The following CEP295 variants were observed in gnomAD, a reference collection of about 807,000 sequenced individuals.
CEP295 encodes the protein centrosomal protein of 295 kDa.
In CEP295, 190 loss-of-function variants were observed where a neutral mutation model predicts 291.6. That is an observed-to-expected ratio of 0.65 (90% CI 0.58 to 0.73). The LOEUF (loss-of-function observed/expected upper bound fraction) is 0.73. Among genes scored for constraint, CEP295 ranks in the 30% least tolerant of loss-of-function variants. The pLI, the probability that CEP295 is intolerant of heterozygous loss-of-function variation, is 0.00. For synonymous variants in CEP295, 993 were observed against 1,038.8 expected (o/e 0.96, Z 0.85); for missense variants, 2,863 against 2,949.4 (o/e 0.97, Z 0.68).
intron 18 of CEP295, among the ~76,000 whole-genome samples, chr11:93,713,172 C>T (rs1020551528): frequency 1.3e-5 from 2 of 152,040 alleles, no homozygotes; most frequent in Non-Finnish European, 1.5e-5. Flanking sequence ...CTTGAAAAGT[C>T]GTACATATTA....
chr11:93,686,590 A>G (rs1951254853), intron 9 of CEP295, among the ~76,000 whole-genome samples: 1 of 152,196 alleles, frequency 6.6e-6, no homozygotes, highest in Non-Finnish European at 1.5e-5. Flanking sequence ...TGGGTTGTGG[A>G]CTAATGGTAA....
intron 7 of CEP295, among the ~76,000 whole-genome samples, chr11:93,681,183 G>A (rs1032196307): frequency 2.6e-5 from 4 of 151,730 alleles, no homozygotes; most frequent in African/African-American, 9.7e-5. Context: ...TCACCACTCA[G>A]CTGTTTGATC....
In CEP295 at chr11:93,698,839, C is replaced by T. The variant is rs577017047; in HGVS notation, c.3927C>T (p.Gly1309=). ...SFTSLASAES[G]TILEPLFTES... Reference sequence around the variant, plus strand: ...CTTCGTTAGCTTCAGCTGAGTCTGGCACAATCCTGGAACCTCTTTTTACAG... The same window carrying T: ...CTTCGTTAGCTTCAGCTGAGTCTGGTACAATCCTGGAACCTCTTTTTACAG... The change falls in exon 15 of 30, where the codon GGC becomes GGT. Residue 1309 remains glycine (G), a synonymous_variant. Coordinates refer to ENST00000325212, the MANE Select transcript of CEP295 (RefSeq NM_033395.2). 1.9e-6 allele frequency: 3 copies of T among 1,551,740 alleles called. No individual in the cohort carries two copies. Among genetic ancestry groups the T allele is most frequent in the East Asian group, 4.9e-5 (2 of 40,914 alleles).
intron 18 of CEP295, among the ~76,000 whole-genome samples, chr11:93,720,537 A>C (rs891213914): frequency 6.6e-6 from 1 of 152,106 alleles, no homozygotes; most frequent in East Asian, 1.9e-4. Context: ...ACTAAAAGGT[A>C]CAGTACAAGT....
At chr11:93,728,861 C>A in intron 25 of CEP295, 40 bp downstream of exon 25, 1 of 1,496,468 alleles carries the variant, frequency 6.7e-7, no homozygotes, top group Non-Finnish European at 8.9e-7. Context: ...CTATTACAAG[C>A]AAACCAGTTG....
intron 1 of CEP295, among the ~76,000 whole-genome samples, 176 bp downstream of exon 1, chr11:93,661,950 G>C (rs1327563146): frequency 6.6e-6 from 1 of 152,224 alleles, no homozygotes; most frequent in Admixed American, 6.5e-5. Context: ...CCGCGGTCGG[G>C]CTGGCGGCTG....
chr11:93,692,907 A>G (rs1486070728), intron 12 of CEP295, among the ~76,000 whole-genome samples: 2 of 28,470 alleles, frequency 7.0e-5, no homozygotes, highest in African/African-American at 1.0e-4. Flanking sequence ...CAGGAGGCGG[A>G]GGCTGCAATG....
rs1952545493 is a variant in CEP295 at position 93,706,886 on chromosome 11, A to G, written c.5738A>G (p.Tyr1913Cys). The G allele has an allele frequency of 3.3e-6, 5 of 1,534,822 alleles. No individual in the cohort carries two copies. The highest frequency in any genetic ancestry group is 1.4e-5 in the African/African-American group (1 of 72,742). Residue 1913 changes from tyrosine to cysteine, a missense_variant, in exon 18 of 30, where the codon TAT becomes TGT. Physicochemically the swap from Tyr to Cys is radical, Grantham distance 194. Coordinates refer to ENST00000325212, the MANE Select transcript of CEP295 (RefSeq NM_033395.2). ...CAAGAGAATGTCTGTGGTGATGACT[A>G]TGATGAAGCAGGTGAGAAATAAATG... ...VGQENVCGDD[Y>C]DEAVKLKESV...
At chr11:93,717,803 T>C (rs1240779758) in intron 18 of CEP295, among the ~76,000 whole-genome samples, 2 of 152,180 alleles carry the variant, frequency 1.3e-5, no homozygotes, top group Non-Finnish European at 2.9e-5. Context: ...GAATTGTTGA[T>C]GTTTAACAGA....
At chr11:93,666,025 G>A (rs1043884120) in intron 1 of CEP295, among the ~76,000 whole-genome samples, 1 of 152,092 alleles carries the variant, frequency 6.6e-6, no homozygotes, top group African/African-American at 2.4e-5. Flanking sequence ...TTAGGTCTTT[G>A]TGCTTTTTCA....
chr11:93,714,512 A>C (rs1953106861), intron 18 of CEP295, among the ~76,000 whole-genome samples: 1 of 152,120 alleles, frequency 6.6e-6, no homozygotes, highest in Non-Finnish European at 1.5e-5. Context: ...GCCTCCCAAA[A>C]TGCTGGGATT....
rs144217907 is a variant in CEP295, at chr11:93,680,291, T to G, written c.765+739T>G. On this transcript the variant is annotated intron_variant, in intron 7 of 29. Coordinates refer to ENST00000325212, the MANE Select transcript of CEP295 (RefSeq NM_033395.2). ...AGCGAGACCCTGTCTCAAAAAAAAT[T>G]AAATAAAAAGTGACTGTCAAGTCCA... Among the ~76,000 whole-genome samples the G allele has an allele frequency of 2.0e-5, 3 of 151,828 alleles. No homozygotes were observed. In the East Asian group the frequency reaches 5.8e-4, roughly 30 times the overall value.
chr11:93,702,514 A>G lies in CEP295; in HGVS notation c.5329A>G (p.Arg1777Gly), dbSNP rs997596163. 5 of 1,549,314 alleles carry G rather than the reference A, an allele frequency of 3.2e-6. No homozygotes were observed. Among genetic ancestry groups the G allele is most frequent in the African/African-American group, 2.7e-5 (2 of 72,910 alleles). The change falls in exon 16 of 30, where the codon AGA becomes GGA. Residue 1777 changes from arginine (R) to glycine (G), a missense_variant. Arg to Gly is a moderately radical substitution (Grantham distance 125, BLOSUM62 -2). This residue lies in a region of CEP295 where 2,295 missense variants were observed against 2,335.7 expected (regional missense o/e 0.98). Coordinates refer to ENST00000325212, the MANE Select transcript of CEP295 (RefSeq NM_033395.2). ...AAAAACCCAGAAGATGGGGCAGCTC[A>G]GAGACTGGTTTCCTAATACACAAGA... The part of the protein sequence containing the change: ...DLKTQKMGQL[R>G]DWFPNTQDLA...
intron 18 of CEP295, among the ~76,000 whole-genome samples, chr11:93,720,146 C>T (rs1359200688): frequency 1.3e-5 from 2 of 150,432 alleles, no homozygotes; most frequent in Non-Finnish European, 2.9e-5. Context: ...TCACTTCAGG[C>T]TAGCAGTTCA....
In CEP295 at chr11:93,675,616, A is replaced by T; in HGVS notation, c.574A>T (p.Thr192Ser). The change falls in exon 6 of 30, where the codon ACC becomes TCC. Residue 192 changes from threonine (T) to serine (S), a missense_variant. By Grantham distance (58) the Thr-to-Ser change is moderately conservative. Transcript: ENST00000325212. The stretch of plus-strand genomic sequence containing the variant: ...TTCTGCAGTCAAAACCAATAGTTCT[A>T]CCTACCATCATCTTCACACTTTTGT... Reference protein sequence around the residue: ...RISAVKTNSSTYHHLHTFVNR... With the variant: ...RISAVKTNSSSYHHLHTFVNR... The T allele has an allele frequency of 6.6e-7, 1 of 1,513,442 alleles. No homozygotes were observed. The highest frequency in any genetic ancestry group is 8.8e-7 in the Non-Finnish European group (1 of 1,133,728). 93.8% of individuals were successfully genotyped at this position (1,513,442 alleles called of 1,614,324 possible).
At chr11:93,710,835 C>G (rs1952843988) in intron 18 of CEP295, among the ~76,000 whole-genome samples, 1 of 152,104 alleles carries the variant, frequency 6.6e-6, no homozygotes, top group African/African-American at 2.4e-5. Flanking sequence ...CATGGTTCAA[C>G]CTTGGTAGGT....
At chr11:93,675,093 T>C (rs1950626060) in intron 5 of CEP295, among the ~76,000 whole-genome samples, 1 of 152,222 alleles carries the variant, frequency 6.6e-6, no homozygotes, top group Non-Finnish European at 1.5e-5. Flanking sequence ...TTAAATATAT[T>C]GGCAAGTGTT....
At chr11:93,693,999 A>G (rs1951728181) in intron 12 of CEP295, among the ~76,000 whole-genome samples, 1 of 152,236 alleles carries the variant, frequency 6.6e-6, no homozygotes, top group Admixed American at 6.5e-5. Context: ...ACAGTTGTAG[A>G]TGTACTACAG....
In CEP295 at chr11:93,727,169, T is replaced by TATAGGA; in HGVS notation, c.6695_6700dup (p.Ile2232_Gly2233dup). The TATAGGA allele has an allele frequency of 1.9e-6, 3 of 1,550,736 alleles. No homozygotes were observed. Among genetic ancestry groups the TATAGGA allele is most frequent in the Non-Finnish European group, 2.6e-6 (3 of 1,146,566 alleles). On this transcript the variant is annotated inframe_insertion, in exon 24 of 30. Coordinates refer to ENST00000325212, the MANE Select transcript of CEP295 (RefSeq NM_033395.2). ...AAAAAATTGTTCATTTCCAGCTTTC[T>TATAGGA]ATAGGAAACTTAAGTTCAGTCTACA... is the stretch of plus-strand genomic sequence containing the variant.
Sources: gnomAD v4.1 joint callset for allele counts (sites outside exome capture counted in the v4.1 genomes callset) on GRCh38, gnomAD v4.1.1 for gene constraint, gnomAD v4.1.1 regional missense constraint, MANE v1.5 for transcripts, NCBI Gene and HGNC (gene_info 2026-07-23, HGNC 2026-07-21) for gene names.